Variants in KCNMA1 observed in about 807,000 individuals in gnomAD.
The protein encoded by KCNMA1 is Calcium-activated potassium channel subunit alpha-1.
A neutral mutation model predicts 140.0 loss-of-function variants in KCNMA1; 29 were observed. The ratio of observed to expected loss-of-function variants is 0.21; its 90% confidence interval spans 0.15 to 0.28. The LOEUF (loss-of-function observed/expected upper bound fraction) is 0.28. Ranked by LOEUF, KCNMA1 falls within the 10% of genes least tolerant of loss-of-function variation. The probability of loss-of-function intolerance (pLI) is 1.00; values close to 1 mark genes in which losing one functional copy is unlikely to be tolerated. For missense variants in KCNMA1, 880 were observed against 1,602.2 expected, an observed-to-expected ratio of 0.55 and a Z score of 7.70; for synonymous variants, 612 against 611.9, an observed-to-expected ratio of 1.00 and a Z score of 0.00.
intron 3 of KCNMA1, among the ~76,000 whole-genome samples, chr10:77,218,491 A>G (rs941482746): frequency 6.6e-6 from 1 of 152,014 alleles, no homozygotes; most frequent in Non-Finnish European, 1.5e-5. Context: ...ACTACTTCTT[A>G]AGCCTTGCAT....
At chr10:77,078,573 G>A (rs749109898) in intron 13 of KCNMA1, among the ~76,000 whole-genome samples, 34 of 152,178 alleles carry the variant, frequency 2.2e-4, no homozygotes, top group Admixed American at 3.9e-4. Flanking sequence ...TTCTCATCTC[G>A]ACTCTGGGAA....
chr10:77,004,530 T>C (rs999534111), intron 18 of KCNMA1, among the ~76,000 whole-genome samples: 3 of 152,168 alleles, frequency 2.0e-5, no homozygotes, highest in African/African-American at 7.2e-5. Flanking sequence ...ATATGAGTAC[T>C]GGCCAGGAAG....
intron 2 of KCNMA1, among the ~76,000 whole-genome samples, chr10:77,325,492 G>T (rs2083829743): frequency 6.6e-6 from 1 of 152,188 alleles, no homozygotes; most frequent in South Asian, 2.1e-4. Flanking sequence ...TAAGCCAGGG[G>T]ATGGCACTAA....
At chr10:77,362,998 A>G (rs1432566580) in intron 2 of KCNMA1, among the ~76,000 whole-genome samples, 2 of 152,242 alleles carry the variant, frequency 1.3e-5, no homozygotes, top group East Asian at 3.8e-4. Context: ...CCGTCTCCCA[A>G]TGCGGACAGG....
chr10:77,170,454 T>A (rs553594888), intron 5 of KCNMA1, among the ~76,000 whole-genome samples: 5 of 151,638 alleles, frequency 3.3e-5, no homozygotes, highest in Non-Finnish European at 7.4e-5. Context: ...GCTCCATCCC[T>A]GGGAGAAGGT....
rs771995453 is a variant in KCNMA1 at position 77,427,720 on chromosome 10, C to CATTTATTT, written c.379-23705_379-23698dup. 3.3e-3 allele frequency among the ~76,000 whole-genome samples: 227 copies of CATTTATTT among 68,012 alleles called. 1 individual carries two copies. The highest frequency in any genetic ancestry group is 7.3e-3 in the Admixed American group (46 of 6,308). 44.6% of individuals were successfully genotyped at this position (68,012 alleles called of 152,430 possible). On this transcript the variant is annotated intron_variant, in intron 1 of 27. Transcript: ENST00000286628. ...ATCCAATCCTGAGCATCCATCCATT[C>CATTTATTT]ATTTATTTATTTATTTATTTATTTA...
At chr10:76,940,793 T>G (rs777574549) in intron 23 of KCNMA1, among the ~76,000 whole-genome samples, 11 of 151,600 alleles carry the variant, frequency 7.3e-5, no homozygotes, top group Admixed American at 5.3e-4. Context: ...AAACTCTGTC[T>G]CTACTAAAAA....
Position 77,189,200 on chromosome 10 carries a change from A to G in KCNMA1, c.603-4284T>C, listed in dbSNP as rs539262005. Among the ~76,000 whole-genome samples the G allele has an allele frequency of 2.0e-5, 3 of 152,094 alleles. No homozygotes were observed. The South Asian group carries it at 6.2e-4, about 32-fold the overall frequency. On this transcript the variant is annotated intron_variant, in intron 3 of 27. Coordinates refer to ENST00000286628, the MANE Select transcript of KCNMA1 (RefSeq NM_001161352.2). ...TGGGAACACCGCTTTGAGACCTGCC[A>G]CTCCCAAAAAACCTTTCTTGCAACT...
intron 2 of KCNMA1, among the ~76,000 whole-genome samples, chr10:77,375,121 A>G (rs1432428489): frequency 2.0e-5 from 3 of 152,188 alleles, no homozygotes; most frequent in Non-Finnish European, 1.5e-5. Context: ...AAAGTGGTGA[A>G]GGTCACAGAA....
intron 4 of KCNMA1, 101 bp from the exon 5 acceptor site, chr10:77,183,633 A>G: frequency 1.2e-6 from 1 of 806,142 alleles, no homozygotes; most frequent in Non-Finnish European, 2.1e-6. Flanking sequence ...GAGTTTTCAT[A>G]GGGCCACCAC....
chr10:77,136,225 A>C (rs970938801), intron 5 of KCNMA1, among the ~76,000 whole-genome samples: 18 of 152,240 alleles, frequency 1.2e-4, no homozygotes, highest in African/African-American at 4.3e-4. Context: ...ATTGTTCATT[A>C]AGCAAGAAAA....
rs145449161 is a variant in KCNMA1, at chr10:77,542,383, C to T, written c.378+94882G>A. 3.0e-4 allele frequency among the ~76,000 whole-genome samples: 45 copies of T among 152,270 alleles called. 1 individual carries two copies. In the East Asian group the frequency reaches 8.7e-3, roughly 29 times the overall value. ...TATGACAGAATCCCTGTGCTAACAC[C>T]CCCTCCCTGTTTCTTAAAGAGAACA... On this transcript the variant is annotated intron_variant, in intron 1 of 27. Transcript: ENST00000286628.
In KCNMA1 at chr10:77,073,204, C is replaced by T. The variant is rs974940310; in HGVS notation, c.1642G>A (p.Ala548Thr). 1 of 1,614,170 alleles carries T rather than the reference C, an allele frequency of 6.2e-7. No individual in the cohort carries two copies. The highest frequency in any genetic ancestry group is 8.5e-7 in the Non-Finnish European group (1 of 1,179,982). The change falls in exon 14 of 28, where the codon GCA becomes ACA. Residue 548 changes from alanine (A) to threonine (T), a missense_variant. By Grantham distance (58) the Ala-to-Thr change is moderately conservative. This residue lies in a region of KCNMA1 where 198 missense variants were observed against 580.1 expected (regional missense o/e 0.34). Transcript: ENST00000286628. ...PSWNWKEGDD[A>T]ICLAELKLGF... ...AACTTCAACTCTGCGAGGCAGATTG[C>T]GTCATCACCTTCTTTCCAATTCCAG...
At chr10:77,441,593 AT>A (rs35124298) in intron 1 of KCNMA1, among the ~76,000 whole-genome samples, 13,846 of 152,012 alleles carry the variant, frequency 0.091, 750 homozygotes, top group South Asian at 0.15. Flanking sequence ...AGAGAACAGA[AT>A]TTTTTAATGC....
chr10:77,183,749 A>G (rs2098821968), intron 4 of KCNMA1, among the ~76,000 whole-genome samples: 1 of 152,046 alleles, frequency 6.6e-6, no homozygotes, highest in African/African-American at 2.4e-5. Context: ...AGCCTCCCAA[A>G]GTGCTGGGAT....
rs546500279 is a variant in KCNMA1, at chr10:77,161,950, C to T, written c.808+21471G>A. On this transcript the variant is annotated intron_variant, in intron 5 of 27. Coordinates refer to ENST00000286628, the MANE Select transcript of KCNMA1 (RefSeq NM_001161352.2). The stretch of plus-strand genomic sequence containing the variant: ...TATACCATGCACAACAAGCAGAGTG[C>T]TATGATCCATATGTATCTATTGAGT... 8.7e-4 allele frequency among the ~76,000 whole-genome samples: 132 copies of T among 152,212 alleles called. 2 individuals carry two copies. Among genetic ancestry groups the T allele is most frequent in the Admixed American group, 5.9e-4 (9 of 15,286 alleles).
chr10:77,140,015 C>T (rs920672118), intron 5 of KCNMA1, among the ~76,000 whole-genome samples: 1 of 152,194 alleles, frequency 6.6e-6, no homozygotes, highest in Non-Finnish European at 1.5e-5. Flanking sequence ...AAACTTTCTC[C>T]CACATTTCTG....
intron 3 of KCNMA1, among the ~76,000 whole-genome samples, chr10:77,245,078 G>GA (rs925274100): frequency 1.8e-3 from 258 of 144,564 alleles, no homozygotes; most frequent in African/African-American, 4.2e-3. Context: ...ATTTTAAAAG[G>GA]AAAAAAAAAA....
At position 77,311,029 on chromosome 10, in the gene KCNMA1, A is replaced by T. The variant is rs114192488; in HGVS notation, c.541-59773T>A. Among the ~76,000 whole-genome samples the T allele has an allele frequency of 6.5e-3, 995 of 152,290 alleles. 8 individuals are homozygous for T. The highest frequency in any genetic ancestry group is 0.023 in the African/African-American group (936 of 41,558). ...TCTGACAAACACCATTTTTGGCCAC[A>T]GCTGCTGTCAGTTCAAAAGTTTGGC... is the stretch of plus-strand genomic sequence containing the variant. On this transcript the variant is annotated intron_variant, in intron 2 of 27. Coordinates refer to ENST00000286628, the MANE Select transcript of KCNMA1 (RefSeq NM_001161352.2).
Sources: allele counts gnomAD v4.1 joint callset (sites outside exome capture counted in the v4.1 genomes callset), GRCh38; gene constraint gnomAD v4.1.1; regional missense constraint gnomAD v4.1.1; transcripts MANE v1.5; gene names NCBI Gene and HGNC (gene_info 2026-07-23, HGNC 2026-07-21).